RAB3C: variants seen among roughly 807,000 people sequenced by gnomAD.
The protein encoded by RAB3C is RAB3C, member RAS oncogene family, also known as ras-related protein Rab-3C.
RAB3C carries 17 observed loss-of-function variants against 26.4 expected under a neutral mutation model. The observed-to-expected ratio is 0.64, with a 90% confidence interval of 0.44 to 0.97. The LOEUF (loss-of-function observed/expected upper bound fraction) is 0.97. Ranked by LOEUF, RAB3C falls within the 50% of genes least tolerant of loss-of-function variation. RAB3C has a pLI of 0.00. For synonymous variants in RAB3C, 91 were observed against 95.9 expected (o/e 0.95, Z 0.30); for missense variants, 242 against 281.9 (o/e 0.86, Z 1.01).
chr5:58,803,713 T>A (rs1239830676), intron 3 of RAB3C, among the ~76,000 whole-genome samples: 1 of 152,148 alleles, frequency 6.6e-6, no homozygotes, highest in Non-Finnish European at 1.5e-5. Context: ...GATAAAGGCA[T>A]CTGGAACAAT....
chr5:58,835,930 T>C (rs111606139), intron 4 of RAB3C, among the ~76,000 whole-genome samples: 5 of 152,304 alleles, frequency 3.3e-5, no homozygotes, highest in South Asian at 2.1e-4. Flanking sequence ...GCAGAAACCA[T>C]CTCTGTTCAT....
At chr5:58,703,654 C>G (rs886262679) in intron 2 of RAB3C, among the ~76,000 whole-genome samples, 6 of 152,090 alleles carry the variant, frequency 3.9e-5, no homozygotes, top group Non-Finnish European at 8.8e-5. Context: ...GTCCACCGTG[C>G]AACTACATGA....
intron 2 of RAB3C, among the ~76,000 whole-genome samples, chr5:58,631,863 T>A (rs1747188880): frequency 6.6e-6 from 1 of 152,162 alleles, no homozygotes. Flanking sequence ...AATAAAAGAG[T>A]GAGAATTGAA....
chr5:58,612,518 G>GTGTGTGTGTGTATATATATATA (rs1242197761), intron 1 of RAB3C, among the ~76,000 whole-genome samples: 642 of 40,316 alleles, frequency 0.016, 9 homozygotes, highest in African/African-American at 0.049. Flanking sequence ...GTGTGTGTGT[G>GTGTGTGTGTGTATATATATATA]TGTATATATA....
intron 2 of RAB3C, among the ~76,000 whole-genome samples, chr5:58,661,654 T>G (rs1747908050): frequency 6.8e-6 from 1 of 146,538 alleles, no homozygotes. Context: ...GTGGTGGCAA[T>G]GCTTGAGAGC....
intron 2 of RAB3C, among the ~76,000 whole-genome samples, chr5:58,704,769 A>C (rs1364536792): frequency 6.6e-6 from 1 of 152,018 alleles, no homozygotes; most frequent in East Asian, 1.9e-4. Context: ...TTTTTTAAAA[A>C]ATTTCTGTAT....
At chr5:58,805,860 G>A (rs1411742749) in intron 3 of RAB3C, among the ~76,000 whole-genome samples, 1 of 152,068 alleles carries the variant, frequency 6.6e-6, no homozygotes, top group Middle Eastern at 3.2e-3. Context: ...AGTATAGGAG[G>A]GAAGGGGTGT....
intron 2 of RAB3C, among the ~76,000 whole-genome samples, chr5:58,698,934 G>A (rs966719218): frequency 1.2e-4 from 19 of 152,140 alleles, no homozygotes; most frequent in Admixed American, 8.5e-4. Context: ...CTCTCAGCTC[G>A]TCAAAGTCAT....
chr5:58,628,201 G>C (rs1227176989), intron 2 of RAB3C, among the ~76,000 whole-genome samples: 1 of 147,850 alleles, frequency 6.8e-6, no homozygotes, highest in Non-Finnish European at 1.5e-5. Flanking sequence ...CATCGTGTGA[G>C]AAACAATAGA....
intron 1 of RAB3C, among the ~76,000 whole-genome samples, chr5:58,596,207 A>G (rs1177845990): frequency 6.6e-6 from 1 of 152,018 alleles, no homozygotes; most frequent in African/African-American, 2.4e-5. Context: ...CCCATACCCT[A>G]TAATCAAGAC....
intron 4 of RAB3C, among the ~76,000 whole-genome samples, chr5:58,850,244 T>C (rs1298820414): frequency 6.6e-6 from 1 of 152,250 alleles, no homozygotes; most frequent in African/African-American, 2.4e-5. Flanking sequence ...AGTGTGAAAC[T>C]GTTGCTGCAT....
chr5:58,745,308 G>A (rs1561307928), intron 3 of RAB3C, among the ~76,000 whole-genome samples: 1 of 139,748 alleles, frequency 7.2e-6, no homozygotes, highest in East Asian at 2.4e-4. Context: ...TGAGGCAGGA[G>A]AATGGTGTGA....
intron 3 of RAB3C, among the ~76,000 whole-genome samples, chr5:58,773,958 C>T (rs1742075371): frequency 1.3e-5 from 2 of 152,122 alleles, no homozygotes; most frequent in Non-Finnish European, 1.5e-5. Flanking sequence ...AGTCTTTTCA[C>T]GTGTCCTAAC....
intron 3 of RAB3C, among the ~76,000 whole-genome samples, chr5:58,768,595 G>T (rs1375461623): frequency 6.6e-6 from 1 of 152,074 alleles, no homozygotes; most frequent in Non-Finnish European, 1.5e-5. Flanking sequence ...TGACACTTGA[G>T]CAGAGACCTG....
intron 2 of RAB3C, among the ~76,000 whole-genome samples, chr5:58,656,385 A>G (rs542128559): frequency 4.4e-4 from 67 of 152,326 alleles, no homozygotes; most frequent in African/African-American, 1.6e-3. Context: ...CCACATACAC[A>G]AAAAATAAGT....
At chr5:58,763,161 T>C (rs1489585826) in intron 3 of RAB3C, among the ~76,000 whole-genome samples, 1 of 152,172 alleles carries the variant, frequency 6.6e-6, no homozygotes, top group Non-Finnish European at 1.5e-5. Flanking sequence ...AAACAGTGAG[T>C]AGAGCTAGAA....
intron 1 of RAB3C, among the ~76,000 whole-genome samples, chr5:58,595,825 C>A (rs1052081969): frequency 2.0e-5 from 3 of 152,002 alleles, no homozygotes; most frequent in African/African-American, 7.2e-5. Flanking sequence ...GATGAGAAAC[C>A]TTATGTATAT....
chr5:58,775,139 A>T (rs1220439816), intron 3 of RAB3C, among the ~76,000 whole-genome samples: 1 of 152,154 alleles, frequency 6.6e-6, no homozygotes, highest in Non-Finnish European at 1.5e-5. Context: ...GCACGATTGC[A>T]TCCTCATTTG....
chr5:58,724,484 T>A (rs574137441), intron 2 of RAB3C, among the ~76,000 whole-genome samples: 1 of 151,862 alleles, frequency 6.6e-6, no homozygotes, highest in South Asian at 2.1e-4. Context: ...AACTTCCTTT[T>A]TTCCCCCCAC....
Sources: gnomAD v4.1 joint callset for allele counts (sites outside exome capture counted in the v4.1 genomes callset) on GRCh38, gnomAD v4.1.1 for gene constraint, MANE v1.5 for transcripts, NCBI Gene and HGNC (gene_info 2026-07-23, HGNC 2026-07-21) for gene names.